METAP1D: variants seen among roughly 807,000 people sequenced by gnomAD.
METAP1D encodes methionine aminopeptidase 1D, mitochondrial.
Under a neutral mutation model 40.5 loss-of-function variants are expected in METAP1D, and 31 were observed. The observed-to-expected ratio is 0.77, with a 90% CI of 0.58 to 1.03. The LOEUF is 1.03. METAP1D is among the 50% of genes least tolerant of loss of function. The pLI is 0.00. For synonymous variants in METAP1D, 151 were observed against 146.4 expected (o/e 1.03, Z -0.22); for missense variants, 411 against 420.7 (o/e 0.98, Z 0.20).
In METAP1D at chr2:172,047,920, T is replaced by C. The variant is rs533746999; in HGVS notation, c.41-13578T>C. Among the ~76,000 whole-genome samples, 129 of 152,196 alleles carry C rather than the reference T, an allele frequency of 8.5e-4. 1 individual carries two copies. The highest frequency in any genetic ancestry group is 1.6e-3 in the Non-Finnish European group (111 of 68,028). On this transcript the variant is annotated intron_variant, in intron 1 of 9. Coordinates refer to ENST00000315796, the MANE Select transcript of METAP1D (RefSeq NM_199227.3). Reference sequence around the variant, plus strand: ...ATTCTTGAAAAAAGCCAGGGCCTTTTATGGATGTAGGAAGGAATTTTCCTT... The same window carrying C: ...ATTCTTGAAAAAAGCCAGGGCCTTTCATGGATGTAGGAAGGAATTTTCCTT...
chr2:172,048,588 T>A (rs1226686864), intron 1 of METAP1D, among the ~76,000 whole-genome samples: 2 of 152,330 alleles, frequency 1.3e-5, no homozygotes, highest in East Asian at 3.9e-4. Context: ...ATTCTCATGG[T>A]GCATTCACAA....
chr2:172,041,726 T>TTATTTATATATA (rs1553493428), intron 1 of METAP1D, among the ~76,000 whole-genome samples: 1 of 37,570 alleles, frequency 2.7e-5, no homozygotes, highest in Non-Finnish European at 6.4e-5. Flanking sequence ...TCTAATTATT[T>TTATTTATATATA]TATATATATA....
Position 172,077,801 on chromosome 2 carries a change from A to T in METAP1D, c.709A>T (p.Ile237Leu). 1 of 1,593,188 alleles carries T rather than the reference A, an allele frequency of 6.3e-7. No individual in the cohort carries two copies. Among genetic ancestry groups the T allele is most frequent in the Non-Finnish European group, 8.6e-7 (1 of 1,164,236 alleles). Residue 237 changes from isoleucine to leucine, a missense_variant, in exon 7 of 10, where the codon ATA becomes TTA. Ile to Leu is a conservative substitution (Grantham distance 5, BLOSUM62 2). Transcript: ENST00000315796. ...FSVIGNTISH[I>L]THQNGFQVCP... is the part of the protein sequence containing the mutation. ...ATTTTTTGGTCACTTTTAAAGCCAC[A>T]TAACTCATCAGAATGGTTTTCAAGT...
chr2:172,003,512 T>C (rs1290748322), intron 1 of METAP1D, among the ~76,000 whole-genome samples: 1 of 152,156 alleles, frequency 6.6e-6, no homozygotes, highest in East Asian at 1.9e-4. Context: ...ATTCTGTTCT[T>C]GTGATAATGA....
At chr2:172,013,968 G>T (rs1210008692) in intron 1 of METAP1D, among the ~76,000 whole-genome samples, 1 of 149,278 alleles carries the variant, frequency 6.7e-6, no homozygotes, top group Non-Finnish European at 1.5e-5. Context: ...CTGCAGGTGC[G>T]CACCACCATG....
chr2:172,035,592 T>G (rs1223937531), intron 1 of METAP1D, among the ~76,000 whole-genome samples: 1 of 152,178 alleles, frequency 6.6e-6, no homozygotes, highest in Non-Finnish European at 1.5e-5. Flanking sequence ...AGTATTCACT[T>G]TCTTGCTTAC....
At chr2:172,061,678 CT>C in intron 2 of METAP1D, 23 bp downstream of exon 2, 1 of 1,546,454 alleles carries the variant, frequency 6.5e-7, no homozygotes, top group South Asian at 1.3e-5. Context: ...CTATTATCTC[CT>C]GCTTTTTCCA....
chr2:172,063,307 T>C (rs1690177837), intron 2 of METAP1D, among the ~76,000 whole-genome samples: 1 of 152,248 alleles, frequency 6.6e-6, no homozygotes, highest in South Asian at 2.1e-4. Context: ...GCATAAATTA[T>C]ATTTTTGTGT....
chr2:172,024,272 C>T (rs1689072590), intron 1 of METAP1D, among the ~76,000 whole-genome samples: 1 of 151,970 alleles, frequency 6.6e-6, no homozygotes, highest in Non-Finnish European at 1.5e-5. Context: ...ATCTGTGTAC[C>T]TCCATTTTAA....
intron 1 of METAP1D, among the ~76,000 whole-genome samples, chr2:172,006,868 C>T (rs1265539983): frequency 1.3e-5 from 2 of 152,166 alleles, no homozygotes; most frequent in Non-Finnish European, 2.9e-5. Context: ...ATTATTTCAT[C>T]TGTAGATTTT....
rs1689549927 is a variant in METAP1D, at chr2:172,042,160, T to TGTACACATATACATATGTATGTGTACAC, written c.41-19336_41-19335insACACATATACATATGTATGTGTACACGT. Among the ~76,000 whole-genome samples, 10 of 105,960 alleles carry TGTACACATATACATATGTATGTGTACAC rather than the reference T, an allele frequency of 9.4e-5. 1 individual carries two copies. Among genetic ancestry groups the TGTACACATATACATATGTATGTGTACAC allele is most frequent in the African/African-American group, 3.2e-4 (10 of 31,144 alleles). The allele number at this position is 105,960 out of a possible 152,430, so 69.5% of individuals were successfully genotyped here. On this transcript the variant is annotated intron_variant, in intron 1 of 9. Transcript: ENST00000315796. ...GTATATATACATATGTATGTGTACA[T>TGTACACATATACATATGTATGTGTACAC]GTGTACACATATACATATGTATGTG... is the stretch of plus-strand genomic sequence containing the variant.
chr2:172,036,150 T>C (rs1474798254), intron 1 of METAP1D, among the ~76,000 whole-genome samples: 3 of 151,292 alleles, frequency 2.0e-5, no homozygotes, highest in African/African-American at 2.4e-5. Context: ...ACCCCGTCTC[T>C]ACTAAAAATA....
rs770834024 is a variant in METAP1D, at chr2:172,077,786, C to T, written c.705-11C>T. The stretch of plus-strand genomic sequence containing the variant: ...CTAATTTAATTAAATATTTTTTGGT[C>T]ACTTTTAAAGCCACATAACTCATCA... On this transcript the variant is annotated splice_polypyrimidine_tract_variant and intron_variant, in intron 6 of 9. Coordinates refer to ENST00000315796, the MANE Select transcript of METAP1D (RefSeq NM_199227.3). 4.1e-6 allele frequency: 6 copies of T among 1,452,700 alleles called. No individual in the cohort carries two copies. Among genetic ancestry groups the T allele is most frequent in the Admixed American group, 4.1e-5 (2 of 48,326 alleles). The allele number at this position is 1,452,700 out of a possible 1,614,324, so 90.0% of individuals were successfully genotyped here. A position where few individuals can be genotyped will look rare whatever the true frequency, so the allele number is the denominator to read the frequency against.
At chr2:172,077,736 A>G (rs749670808) in intron 6 of METAP1D, 61 bp from the exon 7 acceptor site, 52 of 761,620 alleles carry the variant, frequency 6.8e-5, no homozygotes, top group Non-Finnish European at 9.8e-5. Context: ...ACTTTGTTTT[A>G]TCTTAGTATG....
intron 5 of METAP1D, 101 bp downstream of exon 5, chr2:172,066,407 T>A: frequency 1.1e-6 from 1 of 944,592 alleles, no homozygotes; most frequent in Non-Finnish European, 1.6e-6. Context: ...GTGGAAGTGC[T>A]GTTTACTTCT....
At chr2:172,070,856 A>G in intron 5 of METAP1D, 51 bp from the exon 6 acceptor site, 1 of 1,475,980 alleles carries the variant, frequency 6.8e-7, no homozygotes, top group South Asian at 1.4e-5. Context: ...ATACTTTAGG[A>G]AAGTAGATTT....
intron 1 of METAP1D, among the ~76,000 whole-genome samples, chr2:172,024,279 T>C (rs1410834855): frequency 6.6e-6 from 1 of 152,140 alleles, no homozygotes; most frequent in African/African-American, 2.4e-5. Flanking sequence ...TACCTCCATT[T>C]TAAATCCCCT....
intron 1 of METAP1D, among the ~76,000 whole-genome samples, chr2:172,045,819 G>GTGTGTATATA: frequency 6.6e-5 from 1 of 15,192 alleles, no homozygotes; most frequent in Non-Finnish European, 1.1e-4. Context: ...GTGTGTGTGT[G>GTGTGTATATA]TATATATATA....
rs988895833 is a variant in METAP1D, at chr2:172,032,426, T to C, written c.41-29072T>C. ...TAGATCATCTTCTAGATAGATACTTTATGTAATCTCTGATTAGGAACACTG... is the reference window on the plus strand; with the variant it reads ...TAGATCATCTTCTAGATAGATACTTCATGTAATCTCTGATTAGGAACACTG... On this transcript the variant is annotated intron_variant, in intron 1 of 9. Transcript: ENST00000315796. Among the ~76,000 whole-genome samples, 7 of 152,312 alleles carry C rather than the reference T, an allele frequency of 4.6e-5. No homozygotes were observed. The East Asian group carries it at 1.4e-3, about 29-fold the overall frequency.
Sources: gnomAD v4.1 joint callset for allele counts (sites outside exome capture counted in the v4.1 genomes callset) on GRCh38, gnomAD v4.1.1 for gene constraint, MANE v1.5 for transcripts, NCBI Gene and HGNC (gene_info 2026-07-23, HGNC 2026-07-21) for gene names.